The following MIB1 variants were observed in gnomAD, a reference collection of about 807,000 sequenced individuals.
The protein encoded by MIB1 is MIB E3 ubiquitin protein ligase 1.
A neutral mutation model predicts 124.5 loss-of-function variants in MIB1; 278 were observed. The observed-to-expected ratio is 2.23, with a 90% CI of 2.02 to 2.47. The LOEUF (loss-of-function observed/expected upper bound fraction) is 2.47. Ranked by LOEUF, MIB1 falls within the 30% of genes most tolerant of loss-of-function variation. The pLI is 0.00. For synonymous variants in MIB1, 446 were observed against 429.4 expected (o/e 1.04, Z -0.48); for missense variants, 957 against 1,254.4 (o/e 0.76, Z 3.58).
In MIB1 at chr18:21,832,328, G is replaced by T. The variant is rs1029648051; in HGVS notation, c.1830-6037G>T. 5.3e-5 allele frequency among the ~76,000 whole-genome samples: 8 copies of T among 151,980 alleles called. 1 individual carries two copies. The highest frequency in any genetic ancestry group is 5.2e-4 in the Admixed American group (8 of 15,262). ...TCTAATTTTCTGAAGTGACTTTTAG[G>T]CATGATCATTGCACACTTTACACAG... On this transcript the variant is annotated intron_variant, in intron 12 of 20. Coordinates refer to ENST00000261537, the MANE Select transcript of MIB1 (RefSeq NM_020774.4).
At chr18:21,808,945 T>TA (rs200307819) in intron 10 of MIB1, among the ~76,000 whole-genome samples, 3,848 of 151,098 alleles carry the variant, frequency 0.025, 70 homozygotes, top group East Asian at 0.069. Flanking sequence ...ATCATTTAAT[T>TA]AAAAAAAAAC....
intron 1 of MIB1, among the ~76,000 whole-genome samples, chr18:21,751,511 C>A (rs1049919548): frequency 7.2e-5 from 11 of 152,092 alleles, no homozygotes; most frequent in African/African-American, 2.7e-4. Flanking sequence ...GATCATCCAC[C>A]TCTGCCTCCC....
intron 20 of MIB1, among the ~76,000 whole-genome samples, chr18:21,862,184 A>C (rs973196181): frequency 7.8e-6 from 1 of 127,470 alleles, no homozygotes; most frequent in African/African-American, 2.9e-5. Flanking sequence ...GGCGTGAGCT[A>C]CCGCGCCTGG....
chr18:21,788,310 A>G (rs1273954498), intron 6 of MIB1, among the ~76,000 whole-genome samples: 1 of 152,236 alleles, frequency 6.6e-6, no homozygotes, highest in Non-Finnish European at 1.5e-5. Flanking sequence ...AAAAGTTAAC[A>G]TTAAGTTGCT....
chr18:21,728,322 G>A (rs1473286224), intron 1 of MIB1, among the ~76,000 whole-genome samples: 3 of 152,214 alleles, frequency 2.0e-5, no homozygotes, highest in South Asian at 4.2e-4. Flanking sequence ...GTGAAACCCC[G>A]TCTCTACTAA....
chr18:21,746,012 A>G (rs978204276), intron 1 of MIB1, among the ~76,000 whole-genome samples: 2 of 152,022 alleles, frequency 1.3e-5, no homozygotes, highest in East Asian at 1.9e-4. Context: ...AGCCCTTTCT[A>G]TATTTTTGTG....
intron 1 of MIB1, among the ~76,000 whole-genome samples, chr18:21,763,358 T>A (rs1308483840): frequency 3.3e-5 from 5 of 152,164 alleles, no homozygotes; most frequent in Non-Finnish European, 7.4e-5. Flanking sequence ...CTATAATTTA[T>A]CTCCAAGTCT....
intron 4 of MIB1, among the ~76,000 whole-genome samples, chr18:21,774,636 A>T (rs539402696): frequency 2.0e-5 from 3 of 152,282 alleles, no homozygotes; most frequent in South Asian, 2.1e-4. Flanking sequence ...AGAGTATAAT[A>T]AATAAATGCC....
intron 1 of MIB1, among the ~76,000 whole-genome samples, chr18:21,715,776 G>A (rs934847710): frequency 4.6e-5 from 7 of 152,128 alleles, no homozygotes; most frequent in Admixed American, 2.0e-4. Flanking sequence ...AGAGCTCAAA[G>A]ACAAGGTTTT....
chr18:21,828,874 T>A (rs1236635406), intron 12 of MIB1: 1 of 305,218 alleles, frequency 3.3e-6, no homozygotes, highest in Non-Finnish European at 6.6e-6. Context: ...GATAACCTTT[T>A]TTTTTTGGTG....
Position 21,865,644 on chromosome 18 carries a change from C to T in MIB1, c.*978C>T, listed in dbSNP as rs533595213. On this transcript the variant is annotated 3_prime_UTR_variant, in exon 21 of 21. Transcript: ENST00000261537. ...TGATCTGCAAAATTAATGCCTTTTC[C>T]AAGAAAAAATCTTTTCTTCTCTGTA... 6.6e-6 allele frequency: 1 copy of T among 152,578 alleles called. No homozygotes were observed. Among genetic ancestry groups the T allele is most frequent in the South Asian group, 2.1e-4 (1 of 4,818 alleles). 9.5% of individuals were successfully genotyped at this position (152,578 alleles called of 1,614,324 possible).
intron 7 of MIB1, among the ~76,000 whole-genome samples, chr18:21,795,853 T>A (rs1313155498): frequency 6.6e-6 from 1 of 152,186 alleles, no homozygotes; most frequent in Non-Finnish European, 1.5e-5. Context: ...GATATTGTTA[T>A]TCCGAGATTG....
chr18:21,768,231 A>T (rs1444650572), intron 2 of MIB1, among the ~76,000 whole-genome samples: 1 of 152,202 alleles, frequency 6.6e-6, no homozygotes, highest in African/African-American at 2.4e-5. Context: ...TTAGACTAGG[A>T]TCATATGTGG....
intron 6 of MIB1, among the ~76,000 whole-genome samples, chr18:21,787,349 C>CG (rs1299692770): frequency 1.3e-5 from 2 of 152,156 alleles, no homozygotes; most frequent in Non-Finnish European, 2.9e-5. Flanking sequence ...AACAGCCACT[C>CG]TGATTTGATG....
At chr18:21,748,522 T>C (rs2040937703) in intron 1 of MIB1, among the ~76,000 whole-genome samples, 2 of 151,346 alleles carry the variant, frequency 1.3e-5, no homozygotes, top group Non-Finnish European at 2.9e-5. Context: ...CTCTGCCTCC[T>C]GGGCTCAAGC....
At chr18:21,796,490 C>A (rs779869856) in intron 7 of MIB1, among the ~76,000 whole-genome samples, 1 of 152,116 alleles carries the variant, frequency 6.6e-6, no homozygotes, top group Non-Finnish European at 1.5e-5. Flanking sequence ...GTGCAGCAGA[C>A]CACCATGGCA....
chr18:21,791,569 T>C lies in MIB1; in HGVS notation c.1092+12T>C, dbSNP rs945324670. 3 of 1,598,090 alleles carry C rather than the reference T, an allele frequency of 1.9e-6. No homozygotes were observed. In the Admixed American group the frequency reaches 5.1e-5, roughly 27 times the overall value. On this transcript the variant is annotated intron_variant, in intron 7 of 20. Transcript: ENST00000261537. Reference sequence around the variant, plus strand: ...AAGCGATGCTTCCAGTAAGTATGTTTAGAATAATTCTGGGCTAGAAATTAC... The same window carrying C: ...AAGCGATGCTTCCAGTAAGTATGTTCAGAATAATTCTGGGCTAGAAATTAC...
chr18:21,791,265 G>C (rs1162822072), intron 6 of MIB1, 109 bp from the exon 7 acceptor site: 9 of 737,422 alleles, frequency 1.2e-5, no homozygotes, highest in African/African-American at 1.8e-5. Context: ...AAATCATTCA[G>C]GATATAATTG....
intron 12 of MIB1, 136 bp from the exon 13 acceptor site, chr18:21,838,228 AT>A: frequency 1.7e-6 from 1 of 589,310 alleles, no homozygotes; most frequent in Non-Finnish European, 2.8e-6. Flanking sequence ...CACATTTGAG[AT>A]TAGAAAAGTA....
Sources: allele counts gnomAD v4.1 joint callset (sites outside exome capture counted in the v4.1 genomes callset), GRCh38; gene constraint gnomAD v4.1.1; transcripts MANE v1.5; gene names NCBI Gene and HGNC (gene_info 2026-07-23, HGNC 2026-07-21).